The following CFI variants were observed in gnomAD, a reference collection of about 807,000 sequenced individuals.
CFI encodes the protein C3B/C4B inactivator.
CFI carries 66 observed loss-of-function variants against 78.8 expected under a neutral mutation model. The ratio of observed to expected loss-of-function variants is 0.84; its 90% confidence interval spans 0.69 to 1.03. The LOEUF is 1.03. CFI is among the 50% of genes least tolerant of loss of function. The probability of loss-of-function intolerance (pLI) is 0.00; values close to 1 mark genes in which losing one functional copy is unlikely to be tolerated. For synonymous variants in CFI, 250 were observed against 232.6 expected, an observed-to-expected ratio of 1.07 and a Z score of -0.68; for missense variants, 706 against 704.5, an observed-to-expected ratio of 1.00 and a Z score of -0.02.
At chr4:109,800,321 G>GTTTT (rs554145445) in intron 1 of CFI, among the ~76,000 whole-genome samples, 4 of 48,808 alleles carry the variant, frequency 8.2e-5, no homozygotes, top group African/African-American at 1.6e-4. Context: ...TGGCTTCTCT[G>GTTTT]TTTTTTTTTT....
intron 11 of CFI, among the ~76,000 whole-genome samples, chr4:109,743,707 A>T (rs182656011): frequency 8.0e-4 from 122 of 152,350 alleles, no homozygotes; most frequent in African/African-American, 2.9e-3. Context: ...ATAAGGGAAC[A>T]TGTTAAATGC....
At chr4:109,780,465 T>A (rs1387256945) in intron 1 of CFI, among the ~76,000 whole-genome samples, 1 of 152,144 alleles carries the variant, frequency 6.6e-6, no homozygotes, top group Non-Finnish European at 1.5e-5. Context: ...TCACACCAGT[T>A]AGAATGGCGA....
chr4:109,734,790 C>A, the CFI span, among the ~76,000 whole-genome samples: 3 of 151,978 alleles, frequency 2.0e-5, no homozygotes, highest in East Asian at 5.8e-4. Flanking sequence ...GGCAACAGAG[C>A]AACAGTCTGT....
chr4:109,764,420 T>G (rs1458107831), intron 3 of CFI, 117 bp downstream of exon 3: 3 of 1,131,370 alleles, frequency 2.7e-6, no homozygotes, highest in Non-Finnish European at 4.0e-6. Context: ...ATGATGCACA[T>G]AGTTAATTTT....
chr4:109,764,754 G>T, intron 2 of CFI, 64 bp from the exon 3 acceptor site: 1 of 1,452,324 alleles, frequency 6.9e-7, no homozygotes, highest in Non-Finnish European at 9.4e-7. Context: ...TTAATTAAAA[G>T]TCTTTAAAAA....
Position 109,749,335 on chromosome 4 carries a change from TTG to T in CFI, c.1045-16_1045-15del, listed in dbSNP as rs1561288341. 2 of 1,607,510 alleles carry T rather than the reference TTG, an allele frequency of 1.2e-6. No individual in the cohort carries two copies. The highest frequency in any genetic ancestry group is 2.2e-5 in the South Asian group (2 of 90,972). On this transcript the variant is annotated splice_polypyrimidine_tract_variant and intron_variant, in intron 9 of 12. Transcript: ENST00000394634. The stretch of plus-strand genomic sequence containing the variant: ...TGGGAGGTCTCCCTGTAAAAGACAT[TTG>T]TGTGGTCACTGCCATTCTAACAGAT...
chr4:109,773,574 A>C (rs1225072586), intron 1 of CFI, among the ~76,000 whole-genome samples: 1 of 152,188 alleles, frequency 6.6e-6, no homozygotes, highest in African/African-American at 2.4e-5. Flanking sequence ...ATTGGTTCTT[A>C]CTGGTGCACA....
At chr4:109,772,868 G>A (rs184302610) in intron 1 of CFI, among the ~76,000 whole-genome samples, 12 of 152,204 alleles carry the variant, frequency 7.9e-5, no homozygotes, top group Admixed American at 1.3e-4. Context: ...ACAGATGTGT[G>A]CCACCCTGCC....
chr4:109,733,537 A>G, the CFI span, among the ~76,000 whole-genome samples: 1 of 152,214 alleles, frequency 6.6e-6, no homozygotes, highest in Non-Finnish European at 1.5e-5. Context: ...TAGGTATGGC[A>G]TAAGTATGGC....
chr4:109,777,948 C>G (rs1204800779), intron 1 of CFI, among the ~76,000 whole-genome samples: 5 of 152,202 alleles, frequency 3.3e-5, no homozygotes, highest in South Asian at 2.1e-4. Context: ...AACAAAGACA[C>G]AACATACCAG....
intron 1 of CFI, among the ~76,000 whole-genome samples, chr4:109,795,016 C>T (rs189858535): frequency 1.5e-3 from 235 of 152,162 alleles, no homozygotes; most frequent in South Asian, 3.7e-3. Context: ...TGAGAGGTTA[C>T]AGCATGCAAG....
chr4:109,777,419 C>A (rs4339213), intron 1 of CFI, among the ~76,000 whole-genome samples: 1 of 151,970 alleles, frequency 6.6e-6, no homozygotes, highest in African/African-American at 2.4e-5. Flanking sequence ...ATCGATTCAA[C>A]AAGAAGAGCT....
At chr4:109,767,847 G>A (rs1360328828) in intron 1 of CFI, among the ~76,000 whole-genome samples, 1 of 151,540 alleles carries the variant, frequency 6.6e-6, no homozygotes, top group Non-Finnish European at 1.5e-5. Context: ...GTTTATTGCG[G>A]CACTATTCAC....
rs374589912 is a variant in CFI, at chr4:109,761,586, T to C, written c.589A>G (p.Thr197Ala). 3 of 1,613,948 alleles carry C rather than the reference T, an allele frequency of 1.9e-6. No individual in the cohort carries two copies. The highest frequency in any genetic ancestry group is 1.1e-5 in the South Asian group (1 of 91,092). Reference protein sequence around the residue: ...RGLETSLAECTFTKRRTMGYQ... With the variant: ...RGLETSLAECAFTKRRTMGYQ... ...CCCATAGTTCTTCTCTTAGTAAAAG[T>C]ACATTCAGCCAAACTGGTCTCTAAT... The change falls in exon 4 of 13, where the codon ACT (threonine) becomes GCT (alanine). Residue 197 changes from threonine to alanine, a missense_variant. Thr to Ala is a moderately conservative substitution (Grantham distance 58). Transcript: ENST00000394634.
At position 109,752,501 on chromosome 4, in the gene CFI, C is replaced by G. The variant is rs570075976; in HGVS notation, c.907G>C (p.Glu303Gln). 15 of 1,612,366 alleles carry G rather than the reference C, an allele frequency of 9.3e-6. No individual in the cohort carries two copies. The highest frequency in any genetic ancestry group is 1.2e-5 in the Non-Finnish European group (14 of 1,178,836). The change falls in exon 8 of 13, where the codon GAA (glutamate) becomes CAA (glutamine). Residue 303 changes from glutamate to glutamine, a missense_variant and splice_region_variant. Transcript: ENST00000394634. ...CAGFASVTQEETEILTADMDA... is the reference protein window; with the variant it reads ...CAGFASVTQEQTEILTADMDA... ...ATGTCAGCAGTCAAAATTTCTGTTT[C>G]TTCTATGATAAAACAAAAGATTCCA...
At chr4:109,752,653 C>T in intron 7 of CFI, 150 bp from the exon 8 acceptor site, 2 of 672,258 alleles carry the variant, frequency 3.0e-6, no homozygotes, top group Non-Finnish European at 5.2e-6. Flanking sequence ...CAAGGCATGT[C>T]ATCTTATTTC....
chr4:109,767,933 C>G (rs1385253784), intron 1 of CFI, among the ~76,000 whole-genome samples: 1 of 152,044 alleles, frequency 6.6e-6, no homozygotes, highest in Non-Finnish European at 1.5e-5. Flanking sequence ...ATATATACAC[C>G]ATGGAATACT....
intron 7 of CFI, among the ~76,000 whole-genome samples, chr4:109,754,230 C>T (rs1057103252): frequency 6.6e-6 from 1 of 151,330 alleles, no homozygotes; most frequent in Admixed American, 6.6e-5. Context: ...GATCCACCCG[C>T]CTTGGCCTCC....
intron 8 of CFI, among the ~76,000 whole-genome samples, chr4:109,751,696 C>A (rs553555276): frequency 1.6e-4 from 24 of 152,138 alleles, no homozygotes; most frequent in Non-Finnish European, 2.9e-4. Flanking sequence ...CTGCTTTGGC[C>A]TCCCAAAGTG....
Sources: gnomAD v4.1 joint callset for allele counts (sites outside exome capture counted in the v4.1 genomes callset) on GRCh38, gnomAD v4.1.1 for gene constraint, MANE v1.5 for transcripts, NCBI Gene and HGNC (gene_info 2026-07-23, HGNC 2026-07-21) for gene names.